LAMB4: variants seen among roughly 807,000 people sequenced by gnomAD.
The protein encoded by LAMB4 is laminin subunit beta 4, also known as laminin subunit beta-4.
In LAMB4, 196 loss-of-function variants were observed where a neutral mutation model predicts 199.2. The ratio of observed to expected loss-of-function variants is 0.98; its 90% confidence interval spans 0.88 to 1.11. LAMB4 has a LOEUF of 1.11. Ranked by LOEUF, LAMB4 falls within the 50% of genes least tolerant of loss-of-function variation. LAMB4 has a pLI of 0.00. For synonymous variants in LAMB4, 744 were observed against 770.6 expected (o/e 0.97, Z 0.57); for missense variants, 2,080 against 2,171.2 (o/e 0.96, Z 0.83).
chr7:108,036,596 G>A (rs990247223), intron 30 of LAMB4, among the ~76,000 whole-genome samples: 1 of 152,060 alleles, frequency 6.6e-6, no homozygotes, highest in Non-Finnish European at 1.5e-5. Context: ...GTTTATACAC[G>A]TGGATGATGA....
chr7:108,031,128 T>G lies in LAMB4; in HGVS notation c.4819-149A>C, dbSNP rs2035014605. ...TTTTCTGTTGCATTTATTTAAAATA[T>G]TATAATAAAATATTTCAGACATACA... On this transcript the variant is annotated intron_variant, in intron 31 of 33. Coordinates refer to ENST00000388781, the MANE Select transcript of LAMB4 (RefSeq NM_007356.3). 7 of 582,538 alleles carry G rather than the reference T, an allele frequency of 1.2e-5. No homozygotes were observed. In the South Asian group the frequency reaches 2.0e-4, roughly 17 times the overall value. The allele number at this position is 582,538 out of a possible 1,614,324, so 36.1% of individuals were successfully genotyped here.
At position 108,037,559 on chromosome 7, in the gene LAMB4, G is replaced by A. The variant is rs200882131; in HGVS notation, c.4508C>T (p.Ala1503Val). ...TAGGTGAATGTCAAGCACACCATTCGCAACCTTCTCGATGTCTTCTGGAGG... is the reference window on the plus strand; with the variant it reads ...TAGGTGAATGTCAAGCACACCATTCACAACCTTCTCGATGTCTTCTGGAGG... ...NVPPEDIEKVANGVLDIHLPI... is the reference protein window; with the variant it reads ...NVPPEDIEKVVNGVLDIHLPI... The change falls in exon 30 of 34, where the codon GCG (alanine) becomes GTG (valine). Residue 1503 changes from alanine to valine, a missense_variant. Ala to Val is a moderately conservative substitution (Grantham distance 64, BLOSUM62 0). Coordinates refer to ENST00000388781, the MANE Select transcript of LAMB4 (RefSeq NM_007356.3). The A allele has an allele frequency of 9.9e-6, 16 of 1,614,068 alleles. No homozygotes were observed. The East Asian group carries it at 1.3e-4, about 13-fold the overall frequency.
At chr7:108,097,546 G>T (rs1404944502) in intron 11 of LAMB4, among the ~76,000 whole-genome samples, 1 of 152,226 alleles carries the variant, frequency 6.6e-6, no homozygotes, top group Admixed American at 6.5e-5. Flanking sequence ...AGCACTTTGG[G>T]AGGCCGAGAC....
chr7:108,040,082 G>A (rs924999594), intron 29 of LAMB4, among the ~76,000 whole-genome samples: 3 of 152,130 alleles, frequency 2.0e-5, no homozygotes, highest in Non-Finnish European at 4.4e-5. Context: ...CAAAATCAAT[G>A]TACAAAAATC....
Position 108,037,485 on chromosome 7 carries a change from G to T in LAMB4, c.4582C>A (p.His1528Asn). 6.2e-7 allele frequency: 1 copy of T among 1,613,934 alleles called. No homozygotes were observed. The highest frequency in any genetic ancestry group is 8.5e-7 in the Non-Finnish European group (1 of 1,179,852). ...CTGTAATCCTCACAGAGTTGCATAT[G>T]TTTCTGTATTTTGACAAGTTCATCG... ...LTDELVKIQK[H>N]MQLCEDYRTD... is the part of the protein sequence containing the mutation. The change falls in exon 30 of 34, where the codon CAT becomes AAT. Residue 1528 changes from histidine to asparagine, a missense_variant. His to Asn is a moderately conservative substitution (Grantham distance 68, BLOSUM62 1). Transcript: ENST00000388781.
At chr7:108,081,741 G>A (rs1215933060) in intron 14 of LAMB4, among the ~76,000 whole-genome samples, 3 of 152,148 alleles carry the variant, frequency 2.0e-5, no homozygotes, top group Non-Finnish European at 2.9e-5. Flanking sequence ...GTGGAGAAAT[G>A]GGACAGAATA....
intron 4 of LAMB4, among the ~76,000 whole-genome samples, chr7:108,110,842 G>A (rs1043464230): frequency 1.3e-5 from 2 of 152,144 alleles, no homozygotes; most frequent in Non-Finnish European, 2.9e-5. Context: ...AAATGAAATG[G>A]CATTTAGTAG....
intron 29 of LAMB4, 43 bp from the exon 30 acceptor site, chr7:108,037,638 C>G: frequency 7.1e-7 from 1 of 1,415,620 alleles, no homozygotes; most frequent in East Asian, 2.3e-5. Flanking sequence ...GTCTCCTTAA[C>G]AAACACTGTA....
intron 27 of LAMB4, among the ~76,000 whole-genome samples, chr7:108,049,064 G>C (rs1006068584): frequency 1.3e-5 from 2 of 152,000 alleles, no homozygotes; most frequent in Admixed American, 1.3e-4. Flanking sequence ...TTCATAGCCT[G>C]TACTGTTTTA....
rs1488479831 is a variant in LAMB4 at position 108,111,922 on chromosome 7, C to G, written c.217G>C (p.Asp73His). Residue 73 changes from aspartate to histidine, a missense_variant, in exon 4 of 34, where the codon GAC becomes CAC. Asp to His is a moderately conservative substitution (Grantham distance 81). Coordinates refer to ENST00000388781, the MANE Select transcript of LAMB4 (RefSeq NM_007356.3). ...TACGGATCATATGGAAATCTAGAGT[C>G]ACAGATGAAGCATTTTTGTTCCCCC... The part of the protein sequence containing the change: ...LEGEQKCFIC[D>H]SRFPYDPYDQ... The G allele has an allele frequency of 1.2e-6, 2 of 1,606,984 alleles. No individual in the cohort carries two copies. Among genetic ancestry groups the G allele is most frequent in the Non-Finnish European group, 1.7e-6 (2 of 1,177,564 alleles).
chr7:108,129,766 C>A (rs2150715471), intron 1 of LAMB4, among the ~76,000 whole-genome samples: 1 of 152,282 alleles, frequency 6.6e-6, no homozygotes, highest in Admixed American at 6.5e-5. Flanking sequence ...TGAGCTCAAG[C>A]AATTTGCCTG....
At chr7:108,126,772 G>A (rs944634669) in intron 1 of LAMB4, among the ~76,000 whole-genome samples, 1 of 150,412 alleles carries the variant, frequency 6.6e-6, no homozygotes, top group African/African-American at 2.5e-5. Context: ...GTTTCACCTT[G>A]TTAGCCAGGA....
At chr7:108,096,589 A>G (rs932878888) in intron 11 of LAMB4, among the ~76,000 whole-genome samples, 1 of 152,130 alleles carries the variant, frequency 6.6e-6, no homozygotes, top group Non-Finnish European at 1.5e-5. Flanking sequence ...ACTAAAAATT[A>G]TTGAATTGTT....
chr7:108,084,472 T>C (rs2037085791), intron 14 of LAMB4, among the ~76,000 whole-genome samples: 2 of 152,136 alleles, frequency 1.3e-5, no homozygotes, highest in South Asian at 4.1e-4. Context: ...ACTTGTTCTG[T>C]AAGTGAAATT....
At chr7:108,063,724 G>C in intron 22 of LAMB4, 37 bp downstream of exon 22, 1 of 1,532,928 alleles carries the variant, frequency 6.5e-7, no homozygotes. Flanking sequence ...CTGTCACTCA[G>C]CTGACACATT....
chr7:108,082,089 G>A (rs1028115709), intron 14 of LAMB4, among the ~76,000 whole-genome samples: 1 of 152,120 alleles, frequency 6.6e-6, no homozygotes, highest in African/African-American at 2.4e-5. Flanking sequence ...CTAGCACTTT[G>A]GGAGGCCGAG....
intron 12 of LAMB4, among the ~76,000 whole-genome samples, chr7:108,094,603 C>T (rs2037527954): frequency 1.3e-5 from 2 of 150,250 alleles, no homozygotes; most frequent in African/African-American, 4.9e-5. Context: ...TCTAAAATGT[C>T]ATGGTGAGCT....
intron 8 of LAMB4, among the ~76,000 whole-genome samples, chr7:108,105,216 T>C (rs571029445): frequency 1.3e-5 from 2 of 152,198 alleles, no homozygotes; most frequent in African/African-American, 2.4e-5. Context: ...AAACTACAAC[T>C]CTTCTACAAT....
chr7:108,118,478 A>C (rs974300914), intron 2 of LAMB4, among the ~76,000 whole-genome samples: 2 of 152,118 alleles, frequency 1.3e-5, no homozygotes, highest in East Asian at 1.9e-4. Flanking sequence ...TAGACCAATA[A>C]AAATATGTCC....
Sources: allele counts gnomAD v4.1 joint callset (sites outside exome capture counted in the v4.1 genomes callset), GRCh38; gene constraint gnomAD v4.1.1; transcripts MANE v1.5; gene names NCBI Gene and HGNC (gene_info 2026-07-23, HGNC 2026-07-21).